Variants in ZNF875 observed in about 807,000 individuals in gnomAD.
The protein encoded by ZNF875 is zinc finger protein 875.
ZNF875 carries 14 observed loss-of-function variants against 11.2 expected under a neutral mutation model. That is an observed-to-expected ratio of 1.26 (90% CI 0.83 to 1.96). ZNF875 has a LOEUF of 1.96. Ranked by LOEUF, ZNF875 falls within the 30% of genes most tolerant of loss-of-function variation. ZNF875 has a pLI of 0.00. For missense variants in ZNF875, 752 were observed against 760.4 expected, an observed-to-expected ratio of 0.99 and a Z score of 0.13; for synonymous variants, 301 against 281.1, an observed-to-expected ratio of 1.07 and a Z score of -0.71.
intron 4 of ZNF875, among the ~76,000 whole-genome samples, chr19:37,360,257 C>T (rs2039681897): frequency 6.6e-6 from 1 of 152,204 alleles, no homozygotes; most frequent in Non-Finnish European, 1.5e-5. Context: ...CATTTCTAGT[C>T]TCCTGATTTT....
Position 37,362,787 on chromosome 19 carries a change from G to T in ZNF875, c.935G>T (p.Cys312Phe), listed in dbSNP as rs770687735. ...RTHSGEKPYV[C>F]KDCGRGFTWK... ...CACTCAGGGGAGAAACCTTATGTGT[G>T]CAAGGATTGTGGACGAGGCTTTACT... Residue 312 changes from cysteine (C) to phenylalanine (F), a missense_variant, in exon 5 of 5, where the codon TGC (cysteine) becomes TTC (phenylalanine). By Grantham distance (205) the Cys-to-Phe change is radical. Coordinates refer to ENST00000392153, the MANE Select transcript of ZNF875 (RefSeq NM_001353803.2). 6.2e-6 allele frequency: 10 copies of T among 1,613,932 alleles called. No individual in the cohort carries two copies. The highest frequency in any genetic ancestry group is 8.5e-6 in the Non-Finnish European group (10 of 1,179,910).
Position 37,363,743 on chromosome 19 carries a change from C to G in ZNF875, c.1891C>G (p.Leu631Val). The change falls in exon 5 of 5, where the codon CTT becomes GTT. Residue 631 changes from leucine to valine, a missense_variant. Leu to Val is a conservative substitution (Grantham distance 32). Transcript: ENST00000392153. ...CGRGFSRKSNLIRHQRTHSG is the reference protein window; with the variant it reads ...CGRGFSRKSNVIRHQRTHSG ...ACGGGGCTTTAGTCGGAAGTCCAAC[C>G]TTATCAGACATCAGAGGACACACTC... 1.2e-6 allele frequency: 2 copies of G among 1,614,030 alleles called. No individual in the cohort carries two copies. The highest frequency in any genetic ancestry group is 1.7e-6 in the Non-Finnish European group (2 of 1,180,004).
At position 37,363,845 on chromosome 19, in the gene ZNF875, A is replaced by G. The variant is rs1298350158; in HGVS notation, c.*70A>G. On this transcript the variant is annotated 3_prime_UTR_variant, in exon 5 of 5. Transcript: ENST00000392153. ...GTCATACTTCATCAGACACCAGAGGACACACACAGTGCTGTGGCTTTTTCA... is the reference window on the plus strand; with the variant it reads ...GTCATACTTCATCAGACACCAGAGGGCACACACAGTGCTGTGGCTTTTTCA... 1 of 1,333,632 alleles carries G rather than the reference A, an allele frequency of 7.5e-7. No homozygotes were observed. The highest frequency in any genetic ancestry group is 2.3e-5 in the East Asian group (1 of 43,020). The allele number at this position is 1,333,632 out of a possible 1,614,324, so 82.6% of individuals were successfully genotyped here.
At chr19:37,344,471 C>G in intron 2 of ZNF875, 1 of 511,660 alleles carries the variant, frequency 2.0e-6, no homozygotes. Flanking sequence ...AATCTGTGCC[C>G]ATGTTTCTGA....
chr19:37,319,716 T>C (rs1167020023), intron 1 of ZNF875, among the ~76,000 whole-genome samples: 1 of 152,086 alleles, frequency 6.6e-6, no homozygotes, highest in East Asian at 1.9e-4. Flanking sequence ...CTCAGATGGG[T>C]GTCCTTTTCC....
chr19:37,313,205 G>A (rs57763077), upstream of ZNF875: 3,687 of 146,882 alleles, frequency 0.025, 150 homozygotes, highest in African/African-American at 0.092. Context: ...AGACAACCCC[G>A]CCCCCCGCGA....
chr19:37,334,472 C>A (rs1599943641), upstream of ZNF875, among the ~76,000 whole-genome samples: 2 of 152,226 alleles, frequency 1.3e-5, no homozygotes, highest in South Asian at 4.1e-4. Flanking sequence ...ACTTGGGCAT[C>A]TTAAGAGTGG....
rs56256521 is a variant in ZNF875 at position 37,319,369 on chromosome 19, A to ATATATATATATATATATATG, written c.-747+1183_-747+1184insTATATATATATATATATATG. Among the ~76,000 whole-genome samples the ATATATATATATATATATATG allele has an allele frequency of 3.6e-5, 5 of 139,956 alleles. No homozygotes were observed. In the South Asian group the frequency reaches 1.2e-3, roughly 32 times the overall value. 91.8% of individuals were successfully genotyped at this position (139,956 alleles called of 152,430 possible). On this transcript the variant is annotated intron_variant, in intron 1 of 5. Coordinates refer to the ZNF875 transcript ENST00000544914. ...CATATATATATATATATATATATAT[A>ATATATATATATATATATATG]ATAAAAATGGTAATGACACTATCTC...
At chr19:37,340,900 G>T (rs1194414737) in intron 2 of ZNF875, among the ~76,000 whole-genome samples, 1 of 151,962 alleles carries the variant, frequency 6.6e-6, no homozygotes, top group Non-Finnish European at 1.5e-5. Context: ...TATCCACCTC[G>T]GCCTCCCAAA....
At chr19:37,347,440 T>A in intron 3 of ZNF875, 124 bp downstream of exon 3, 4 of 904,382 alleles carry the variant, frequency 4.4e-6, no homozygotes, top group Non-Finnish European at 6.7e-6. Flanking sequence ...TTTACTTTTT[T>A]CCTCTGGGTA....
rs565105523 is a variant in ZNF875, at chr19:37,343,124, G to C, written c.34-4066G>C. Among the ~76,000 whole-genome samples, 34 of 152,158 alleles carry C rather than the reference G, an allele frequency of 2.2e-4. No individual in the cohort carries two copies. The East Asian group carries it at 5.0e-3, about 23-fold the overall frequency. On this transcript the variant is annotated intron_variant, in intron 2 of 4. Coordinates refer to ENST00000392153, the MANE Select transcript of ZNF875 (RefSeq NM_001353803.2). ...GAGGCCGAGGCGGGCGGATCATGAG[G>C]TCAGGAGTTCGAGACCAGCCTGGCC...
In ZNF875 at chr19:37,325,864, C is replaced by T. The variant is rs191662663; in HGVS notation, c.-603+1599C>T. On this transcript the variant is annotated intron_variant, in intron 4 of 5. Coordinates refer to the ZNF875 transcript ENST00000544914. ...CTGGGACCACAAACATGTGCCACCACGCCTGAATAATTTTTGTATTTTTTT... is the reference window on the plus strand; with the variant it reads ...CTGGGACCACAAACATGTGCCACCATGCCTGAATAATTTTTGTATTTTTTT... 1.2e-3 allele frequency among the ~76,000 whole-genome samples: 190 copies of T among 152,258 alleles called. 3 individuals carry two copies. The South Asian group carries it at 0.014, about 11-fold the overall frequency.
intron 4 of ZNF875, among the ~76,000 whole-genome samples, chr19:37,352,491 G>A (rs147907284): frequency 0.025 from 3,751 of 152,108 alleles, 177 homozygotes; most frequent in African/African-American, 0.085. Flanking sequence ...TGATCCACCT[G>A]CCTCTGCCTC....
In ZNF875 at chr19:37,334,678, G is replaced by C. The variant is rs992487839; in HGVS notation, c.-161G>C. 6.1e-5 allele frequency: 28 copies of C among 456,084 alleles called. No individual in the cohort carries two copies. The highest frequency in any genetic ancestry group is 1.1e-4 in the Non-Finnish European group (26 of 226,816). 28.3% of individuals were successfully genotyped at this position (456,084 alleles called of 1,614,324 possible). A position where few individuals can be genotyped will look rare whatever the true frequency, so the allele number is the denominator to read the frequency against. On this transcript the variant is annotated 5_prime_UTR_variant, in exon 1 of 5. Coordinates refer to ENST00000392153, the MANE Select transcript of ZNF875 (RefSeq NM_001353803.2). ...CCGGTCGGTGGCCCAGGCGCGTTAA[G>C]CTGGTTGGGACCCGGGAAGGCCTCC...
chr19:37,350,844 C>A (rs1375989076), intron 4 of ZNF875, among the ~76,000 whole-genome samples: 10 of 137,482 alleles, frequency 7.3e-5, no homozygotes, highest in African/African-American at 2.8e-4. Context: ...TGTTCTTGTC[C>A]CCCAGGCTGG....
chr19:37,335,723 C>T (rs1242512330), intron 2 of ZNF875, among the ~76,000 whole-genome samples: 2 of 152,164 alleles, frequency 1.3e-5, no homozygotes, highest in South Asian at 2.1e-4. Flanking sequence ...TTCAAGGAGC[C>T]AGGCGCCAGG....
At position 37,363,693 on chromosome 19, in the gene ZNF875, A is replaced by T. The variant is rs1159293384; in HGVS notation, c.1841A>T (p.Lys614Met). 2 of 1,613,524 alleles carry T rather than the reference A, an allele frequency of 1.2e-6. No homozygotes were observed. The highest frequency in any genetic ancestry group is 3.3e-5 in the Admixed American group (2 of 59,976). Residue 614 changes from lysine (K) to methionine (M), a missense_variant, in exon 5 of 5, where the codon AAG (lysine) becomes ATG (methionine). Coordinates refer to ENST00000392153, the MANE Select transcript of ZNF875 (RefSeq NM_001353803.2). ...IRHQRTHSGE[K>M]PYICRKCGRG... ...CACCAGAGGACACATTCAGGAGAGA[A>T]GCCTTATATTTGCAGAAAGTGTGGA...
chr19:37,358,200 AG>A (rs2039271210), intron 4 of ZNF875, among the ~76,000 whole-genome samples: 1 of 128,280 alleles, frequency 7.8e-6, no homozygotes, highest in South Asian at 2.4e-4. Context: ...GCTGGAGTGC[AG>A]TGGCGCGATC....
At chr19:37,331,205 AAG>A (rs2033328455), upstream of ZNF875, among the ~76,000 whole-genome samples, 1 of 149,302 alleles carries the variant, frequency 6.7e-6, no homozygotes, top group Middle Eastern at 3.4e-3. Flanking sequence ...AAAAAAAAAA[AAG>A]TGTATAGAGC....
Sources: allele counts gnomAD v4.1 joint callset (sites outside exome capture counted in the v4.1 genomes callset), GRCh38; gene constraint gnomAD v4.1.1; transcripts MANE v1.5; gene names NCBI Gene and HGNC (gene_info 2026-07-23, HGNC 2026-07-21).